The following FAM3C variants were observed in gnomAD, a reference collection of about 807,000 sequenced individuals.
FAM3C encodes protein FAM3C.
FAM3C carries 15 observed loss-of-function variants against 32.5 expected under a neutral mutation model. That is an observed-to-expected ratio of 0.46 (90% CI 0.31 to 0.71). The LOEUF (loss-of-function observed/expected upper bound fraction) is 0.71. Ranked by LOEUF, FAM3C falls within the 30% of genes least tolerant of loss-of-function variation. FAM3C has a pLI of 0.05. For synonymous variants in FAM3C, 75 were observed against 86.1 expected (o/e 0.87, Z 0.72); for missense variants, 175 against 274.4 (o/e 0.64, Z 2.56).
intron 6 of FAM3C, 116 bp downstream of exon 6, chr7:121,364,014 G>C (rs1793975717): frequency 1.4e-6 from 1 of 713,560 alleles, no homozygotes; most frequent in Non-Finnish European, 2.5e-6. Context: ...GGATGGGACA[G>C]AGGGCTTTAT....
intron 8 of FAM3C, among the ~76,000 whole-genome samples, chr7:121,354,247 T>G (rs1793765369): frequency 6.6e-6 from 1 of 152,220 alleles, no homozygotes; most frequent in Non-Finnish European, 1.5e-5. Flanking sequence ...AGCTTTTTAT[T>G]CCACATAGGG....
chr7:121,362,620 G>T (rs1793948017), intron 7 of FAM3C: 1 of 363,012 alleles, frequency 2.8e-6, no homozygotes, highest in Non-Finnish European at 4.9e-6. Context: ...TGAATTGGTT[G>T]TCCTGTAGAA....
intron 8 of FAM3C, among the ~76,000 whole-genome samples, chr7:121,359,669 C>A (rs1174108595): frequency 1.3e-5 from 2 of 151,832 alleles, no homozygotes; most frequent in Non-Finnish European, 2.9e-5. Flanking sequence ...CAATTAACTC[C>A]ATTTCTTGAA....
chr7:121,359,560 T>C (rs1319105361), intron 8 of FAM3C, among the ~76,000 whole-genome samples: 1 of 152,022 alleles, frequency 6.6e-6, no homozygotes, highest in Non-Finnish European at 1.5e-5. Flanking sequence ...CGCTTTTCTA[T>C]AATTTTCCAA....
intron 8 of FAM3C, among the ~76,000 whole-genome samples, chr7:121,353,364 G>A (rs1257101196): frequency 1.3e-5 from 2 of 152,132 alleles, no homozygotes; most frequent in Non-Finnish European, 1.5e-5. Flanking sequence ...AGAGATCAAG[G>A]AGAAACTTAA....
rs367714330 is a variant in FAM3C, at chr7:121,364,118, A to G, written c.331+12T>C. On this transcript the variant is annotated intron_variant, in intron 6 of 9. Coordinates refer to ENST00000359943, the MANE Select transcript of FAM3C (RefSeq NM_014888.3). ...AATGATTACATCCATAAGCTAAAAT[A>G]ATTGTTCTTACCATTTGCCAAGGCA... 6.4e-7 allele frequency: 1 copy of G among 1,557,602 alleles called. No individual in the cohort carries two copies. Among genetic ancestry groups the G allele is most frequent in the Non-Finnish European group, 8.9e-7 (1 of 1,129,076 alleles).
intron 3 of FAM3C, among the ~76,000 whole-genome samples, chr7:121,376,049 T>C (rs565256057): frequency 6.6e-6 from 1 of 152,238 alleles, no homozygotes; most frequent in African/African-American, 2.4e-5. Flanking sequence ...GAGTCCTCTA[T>C]GCCTTCAATA....
At chr7:121,395,322 T>A (rs1410726821) in intron 1 of FAM3C, among the ~76,000 whole-genome samples, 1 of 150,062 alleles carries the variant, frequency 6.7e-6, no homozygotes, top group South Asian at 2.1e-4. Flanking sequence ...TACATACATA[T>A]ATATATATGG....
chr7:121,395,639 G>A (rs1794674986), intron 1 of FAM3C, among the ~76,000 whole-genome samples: 1 of 152,010 alleles, frequency 6.6e-6, no homozygotes, highest in African/African-American at 2.4e-5. Flanking sequence ...AGAAAAAGAA[G>A]AGACACCAAA....
intron 8 of FAM3C, among the ~76,000 whole-genome samples, chr7:121,352,099 C>G (rs974271249): frequency 5.3e-5 from 8 of 152,160 alleles, no homozygotes; most frequent in Non-Finnish European, 7.3e-5. Flanking sequence ...AAAGACAGCT[C>G]TAACAGGTCA....
intron 1 of FAM3C, among the ~76,000 whole-genome samples, chr7:121,384,299 G>A (rs1180235638): frequency 6.6e-6 from 1 of 152,118 alleles, no homozygotes; most frequent in Non-Finnish European, 1.5e-5. Flanking sequence ...CCACAGGCTA[G>A]GAAAATACTA....
chr7:121,353,145 G>T (rs1793741366), intron 8 of FAM3C, among the ~76,000 whole-genome samples: 1 of 152,156 alleles, frequency 6.6e-6, no homozygotes, highest in Admixed American at 6.5e-5. Context: ...TTAAGAGATT[G>T]CTTTACACAG....
intron 3 of FAM3C, among the ~76,000 whole-genome samples, chr7:121,378,420 A>C (rs1376770552): frequency 1.3e-5 from 2 of 152,130 alleles, no homozygotes; most frequent in African/African-American, 4.8e-5. Flanking sequence ...CCTGGGCTCC[A>C]GTGATCCTCC....
chr7:121,351,239 A>G lies in FAM3C; in HGVS notation c.498T>C (p.Ala166=), dbSNP rs774033092. 1 of 1,613,624 alleles carries G rather than the reference A, an allele frequency of 6.2e-7. No individual in the cohort carries two copies. The highest frequency in any genetic ancestry group is 1.1e-5 in the South Asian group (1 of 91,050). Residue 166 remains alanine, a synonymous_variant, in exon 9 of 10, where the codon GCT becomes GCC. Transcript: ENST00000359943. Reference sequence around the variant, plus strand: ...TAGTAATAGATGTGCTCCCCAAATCAGCAATGAGCCGCCGTGCCTCATCAT... The same window carrying G: ...TAGTAATAGATGTGCTCCCCAAATCGGCAATGAGCCGCCGTGCCTCATCAT... ...KLNDEARRLI[A]DLGSTSITNL...
At chr7:121,390,757 T>G (rs1279646902) in intron 1 of FAM3C, among the ~76,000 whole-genome samples, 2 of 147,770 alleles carry the variant, frequency 1.4e-5, no homozygotes, top group Admixed American at 6.9e-5. Context: ...CTTGCATGTT[T>G]AATAAGCTCC....
At chr7:121,364,272 T>C (rs1479444883) in intron 5 of FAM3C, 84 bp from the exon 6 acceptor site, 1 of 877,332 alleles carries the variant, frequency 1.1e-6, no homozygotes, top group Non-Finnish European at 1.8e-6. Flanking sequence ...CAAAAAAAGT[T>C]AGGAATATTA....
intron 8 of FAM3C, among the ~76,000 whole-genome samples, chr7:121,357,183 G>A (rs965873249): frequency 6.6e-6 from 1 of 152,108 alleles, no homozygotes; most frequent in African/African-American, 2.4e-5. Context: ...TGCAAAGCAG[G>A]CTCATCATGA....
intron 7 of FAM3C, chr7:121,362,686 T>A (rs1472719202): frequency 2.0e-6 from 1 of 511,144 alleles, no homozygotes; most frequent in East Asian, 3.7e-5. Context: ...TCTTCAATTA[T>A]ACACCACAAA....
Position 121,382,975 on chromosome 7 carries a change from GT to G in FAM3C, c.-7del. On this transcript the variant is annotated 5_prime_UTR_variant, in exon 2 of 10. Transcript: ENST00000359943. ...ATCTTACCTGCTACCCTCATGTTTG[GT>G]TTTTCAGTTTATGGCACTTTTCATT... 1 of 1,600,394 alleles carries G rather than the reference GT, an allele frequency of 6.2e-7. No individual in the cohort carries two copies. Among genetic ancestry groups the G allele is most frequent in the Non-Finnish European group, 8.5e-7 (1 of 1,171,378 alleles).
Sources: allele counts gnomAD v4.1 joint callset (sites outside exome capture counted in the v4.1 genomes callset), GRCh38; gene constraint gnomAD v4.1.1; transcripts MANE v1.5; gene names NCBI Gene and HGNC (gene_info 2026-07-23, HGNC 2026-07-21).